Variants in SCIN observed in about 807,000 individuals in gnomAD.
SCIN encodes the protein scinderin.
A neutral mutation model predicts 91.8 loss-of-function variants in SCIN; 91 were observed. The ratio of observed to expected loss-of-function variants is 0.99; its 90% confidence interval spans 0.84 to 1.18. The LOEUF (loss-of-function observed/expected upper bound fraction) is 1.18, where lower values mean the gene tolerates loss of function less well. SCIN is among the 50% of genes most tolerant of loss of function. The pLI, the probability that SCIN is intolerant of heterozygous loss-of-function variation, is 0.00. For synonymous variants in SCIN, 367 were observed against 312.6 expected (o/e 1.17, Z -1.84); for missense variants, 1,087 against 863.9 (o/e 1.26, Z -3.24).
chr7:12,652,485 T>G (rs1784099734), intron 15 of SCIN, 103 bp from the exon 16 acceptor site: 2 of 1,061,512 alleles, frequency 1.9e-6, no homozygotes, highest in Non-Finnish European at 2.7e-6. Context: ...TTTGTTCTTC[T>G]GGAAATTTAA....
intron 1 of SCIN, among the ~76,000 whole-genome samples, chr7:12,575,330 T>C (rs1782348613): frequency 6.6e-6 from 1 of 150,670 alleles, no homozygotes; most frequent in Admixed American, 6.6e-5. Context: ...TCATATTCAA[T>C]TTGTATGCCT....
rs561846655 is a variant in SCIN at position 12,636,877 on chromosome 7, A to T, written c.1410+742A>T. ...GATCACTATACATTGTATGTACCCC[A>T]TGAATATCTACAATTATTATTAATC... On this transcript the variant is annotated intron_variant, in intron 10 of 15. Coordinates refer to ENST00000297029, the MANE Select transcript of SCIN (RefSeq NM_001112706.3). Among the ~76,000 whole-genome samples, 9 of 152,242 alleles carry T rather than the reference A, an allele frequency of 5.9e-5. No individual in the cohort carries two copies. The East Asian group carries it at 1.7e-3, about 29-fold the overall frequency.
At chr7:12,623,998 A>C (rs930336388) in intron 5 of SCIN, among the ~76,000 whole-genome samples, 52 of 152,342 alleles carry the variant, frequency 3.4e-4, no homozygotes, top group African/African-American at 1.2e-3. Flanking sequence ...CACATCATCA[A>C]CCAAAACTGT....
intron 4 of SCIN, among the ~76,000 whole-genome samples, chr7:12,610,489 C>T (rs562703112): frequency 6.6e-6 from 1 of 152,296 alleles, no homozygotes; most frequent in Non-Finnish European, 1.5e-5. Context: ...ATTTGTGTAG[C>T]CCTCACAGCT....
chr7:12,649,595 T>C lies in SCIN; in HGVS notation c.1959+51T>C, dbSNP rs1784037424. ...AGAGAATGCATTTTTGGTTGGGAGA[T>C]GACAGAACTTGATCTGAGAAATGGT... On this transcript the variant is annotated intron_variant, in intron 14 of 15. Coordinates refer to ENST00000297029, the MANE Select transcript of SCIN (RefSeq NM_001112706.3). The C allele has an allele frequency of 2.5e-6, 3 of 1,212,442 alleles. No individual in the cohort carries two copies. In the East Asian group the frequency reaches 7.5e-5, roughly 30 times the overall value. The allele number at this position is 1,212,442 out of a possible 1,614,324, so 75.1% of individuals were successfully genotyped here.
chr7:12,625,253 A>G lies in SCIN; in HGVS notation c.892+111A>G, dbSNP rs1366183069. The G allele has an allele frequency of 1.2e-5, 12 of 1,006,732 alleles. No individual in the cohort carries two copies. The African/African-American group carries it at 1.5e-4, about 12-fold the overall frequency. The allele number at this position is 1,006,732 out of a possible 1,614,324, so 62.4% of individuals were successfully genotyped here. On this transcript the variant is annotated intron_variant, in intron 6 of 15. Coordinates refer to ENST00000297029, the MANE Select transcript of SCIN (RefSeq NM_001112706.3). Reference sequence around the variant, plus strand: ...AAAAAAAGCCCACCTTTTAATTAAGACATGATCTATAAATGTCTCACATAA... The same window carrying G: ...AAAAAAAGCCCACCTTTTAATTAAGGCATGATCTATAAATGTCTCACATAA...
At chr7:12,647,951 C>T (rs993790720) in intron 13 of SCIN, among the ~76,000 whole-genome samples, 2 of 152,138 alleles carry the variant, frequency 1.3e-5, no homozygotes, top group Admixed American at 6.5e-5. Flanking sequence ...ATGGCCAACG[C>T]CCCAGTCAGC....
intron 3 of SCIN, among the ~76,000 whole-genome samples, chr7:12,601,207 G>T (rs1043653895): frequency 6.6e-5 from 10 of 152,138 alleles, no homozygotes; most frequent in African/African-American, 2.4e-4. Context: ...GGAATGTTAA[G>T]CGGGGGTCAG....
rs1583304686 is a variant in SCIN at position 12,621,647 on chromosome 7, T to TAG, written c.667-1154_667-1153insAG. On this transcript the variant is annotated intron_variant, in intron 4 of 15. Coordinates refer to ENST00000297029, the MANE Select transcript of SCIN (RefSeq NM_001112706.3). The stretch of plus-strand genomic sequence containing the variant: ...GTCACAAGTGTTTTAGTTTTTTTTT[T>TAG]TTTTTTTTTTGCTTGATTCTATTTT... Among the ~76,000 whole-genome samples the TAG allele has an allele frequency of 2.0e-5, 3 of 150,528 alleles. No homozygotes were observed. In the East Asian group the frequency reaches 5.8e-4, roughly 29 times the overall value.
rs80237547 is a variant in SCIN, at chr7:12,622,945, G to T, written c.759+52G>T. 3.9e-3 allele frequency: 5,306 copies of T among 1,363,520 alleles called. 19 individuals carry two copies. The highest frequency in any genetic ancestry group is 5.0e-3 in the Non-Finnish European group (4,834 of 965,638). The allele number at this position is 1,363,520 out of a possible 1,614,324, so 84.5% of individuals were successfully genotyped here. A position where few individuals can be genotyped will look rare whatever the true frequency, so the allele number is the denominator to read the frequency against. On this transcript the variant is annotated intron_variant, in intron 5 of 15. Transcript: ENST00000297029. ...GTTTCAACAGTACTGGATGTAGCTA[G>T]GGAGGCCTGTATTGGGCGGGATTCC...
chr7:12,656,965 T>A lies in SCIN; in HGVS notation c.*4250T>A, dbSNP rs1784174181. 1 of 151,686 alleles carries A rather than the reference T, an allele frequency of 6.6e-6. No individual in the cohort carries two copies. 9.4% of individuals were successfully genotyped at this position (151,686 alleles called of 1,614,324 possible). ...TGTAAAAAGTGGCTCAACTTTAATATTCATTAGGAAATGACTAAAATCAAA... is the reference window on the plus strand; with the variant it reads ...TGTAAAAAGTGGCTCAACTTTAATAATCATTAGGAAATGACTAAAATCAAA... On this transcript the variant is annotated 3_prime_UTR_variant, in exon 16 of 16. Transcript: ENST00000297029.
rs773336959 is a variant in SCIN at position 12,581,231 on chromosome 7, A to G, written c.516+10A>G. On this transcript the variant is annotated intron_variant, in intron 3 of 15. Transcript: ENST00000297029. The stretch of plus-strand genomic sequence containing the variant: ...CATTGACCTTGGCACCGTAAGTTTC[A>G]TATATACACATCGATGTCTAAAGAA... 3 of 1,550,038 alleles carry G rather than the reference A, an allele frequency of 1.9e-6. No individual in the cohort carries two copies. Among genetic ancestry groups the G allele is most frequent in the Non-Finnish European group, 2.6e-6 (3 of 1,145,982 alleles).
At chr7:12,647,150 C>T (rs1783982642) in intron 13 of SCIN, among the ~76,000 whole-genome samples, 1 of 152,042 alleles carries the variant, frequency 6.6e-6, no homozygotes, top group Non-Finnish European at 1.5e-5. Context: ...AAAATAAGTA[C>T]CTAGGCTTTG....
intron 1 of SCIN, among the ~76,000 whole-genome samples, chr7:12,576,257 C>CT (rs1289116177): frequency 6.6e-6 from 1 of 152,102 alleles, no homozygotes; most frequent in African/African-American, 2.4e-5. Flanking sequence ...CACCAGAGTC[C>CT]TTTCAGATTG....
At chr7:12,617,046 G>C (rs1424547082) in intron 4 of SCIN, among the ~76,000 whole-genome samples, 4 of 152,080 alleles carry the variant, frequency 2.6e-5, no homozygotes, top group African/African-American at 9.7e-5. Context: ...ATCAGTACGT[G>C]AACAAATAAT....
At chr7:12,635,552 C>A (rs998871410) in intron 9 of SCIN, among the ~76,000 whole-genome samples, 3 of 127,772 alleles carry the variant, frequency 2.3e-5, no homozygotes, top group Non-Finnish European at 4.7e-5. Context: ...GTGGAGGTTG[C>A]AGTGAGCCAA....
intron 11 of SCIN, 31 bp from the exon 12 acceptor site, chr7:12,644,107 A>C: frequency 6.3e-7 from 1 of 1,582,152 alleles, no homozygotes; most frequent in Non-Finnish European, 8.6e-7. Flanking sequence ...AATGAATTTG[A>C]ATCATTGTTT....
At chr7:12,631,178 T>G (rs1049983131) in intron 9 of SCIN, among the ~76,000 whole-genome samples, 1 of 152,232 alleles carries the variant, frequency 6.6e-6, no homozygotes, top group Non-Finnish European at 1.5e-5. Flanking sequence ...ATTTGAGTTT[T>G]AAATAGTAGC....
In SCIN at chr7:12,604,569, A is replaced by G; in HGVS notation, c.572A>G (p.Asn191Ser). The part of the protein sequence containing the change: ...SCNKYERLKA[N>S]QVATGIRYNE... The stretch of plus-strand genomic sequence containing the variant: ...AACAAATATGAACGTCTGAAGGCAA[A>G]CCAGGTAGCTACTGGCATTCGGTAC... Residue 191 changes from asparagine to serine, a missense_variant, in exon 4 of 16, where the codon AAC becomes AGC. Asn to Ser is a conservative substitution (Grantham distance 46, BLOSUM62 1). Coordinates refer to ENST00000297029, the MANE Select transcript of SCIN (RefSeq NM_001112706.3). 6.4e-7 allele frequency: 1 copy of G among 1,552,000 alleles called. No homozygotes were observed.
Sources: gnomAD v4.1 joint callset for allele counts (sites outside exome capture counted in the v4.1 genomes callset) on GRCh38, gnomAD v4.1.1 for gene constraint, MANE v1.5 for transcripts, NCBI Gene and HGNC (gene_info 2026-07-23, HGNC 2026-07-21) for gene names.